VAT1L: variants seen among roughly 807,000 people sequenced by gnomAD.
VAT1L encodes the protein putative NADPH-dependent quinone oxidoreductase VAT1L.
A neutral mutation model predicts 44.1 loss-of-function variants in VAT1L; 34 were observed. The observed-to-expected ratio is 0.77, with a 90% CI of 0.59 to 1.03. VAT1L has a LOEUF of 1.03. Among genes scored for constraint, VAT1L ranks in the 50% least tolerant of loss-of-function variants. The pLI, the probability that VAT1L is intolerant of heterozygous loss-of-function variation, is 0.00. For synonymous variants in VAT1L, 253 were observed against 202.2 expected, an observed-to-expected ratio of 1.25 and a Z score of -2.13; for missense variants, 615 against 538.8, an observed-to-expected ratio of 1.14 and a Z score of -1.40.
At chr16:77,932,381 A>G (rs1461679877) in intron 7 of VAT1L, among the ~76,000 whole-genome samples, 1 of 152,120 alleles carries the variant, frequency 6.6e-6, no homozygotes, top group East Asian at 1.9e-4. Context: ...CTAGGATTAC[A>G]GGCTTGAGCC....
chr16:77,907,093 G>T (rs1280139605), intron 7 of VAT1L, among the ~76,000 whole-genome samples: 1 of 152,104 alleles, frequency 6.6e-6, no homozygotes, highest in Non-Finnish European at 1.5e-5. Flanking sequence ...AGCCCTAGCG[G>T]GGGAAAAAAA....
At chr16:77,888,975 T>C (rs1433159836) in intron 7 of VAT1L, among the ~76,000 whole-genome samples, 1 of 152,226 alleles carries the variant, frequency 6.6e-6, no homozygotes, top group Admixed American at 6.5e-5. Context: ...TTCTGCAATA[T>C]CTACAGACAT....
At chr16:77,789,371 A>G (rs933354597) in intron 1 of VAT1L, among the ~76,000 whole-genome samples, 6 of 152,216 alleles carry the variant, frequency 3.9e-5, no homozygotes, top group South Asian at 4.1e-4. Context: ...GTCAGGTGCC[A>G]TCATGATCCG....
chr16:77,816,118 G>A (rs984841145), intron 1 of VAT1L, among the ~76,000 whole-genome samples: 3 of 151,828 alleles, frequency 2.0e-5, no homozygotes, highest in Non-Finnish European at 2.9e-5. Context: ...GAGTCCAGGA[G>A]CATTGCTAAT....
At chr16:77,958,821 T>A (rs1437283528) in intron 7 of VAT1L, among the ~76,000 whole-genome samples, 1 of 152,150 alleles carries the variant, frequency 6.6e-6, no homozygotes, top group Admixed American at 6.5e-5. Flanking sequence ...TCTCTTCTTC[T>A]CCTTCGAAGA....
intron 2 of VAT1L, among the ~76,000 whole-genome samples, chr16:77,822,628 G>C (rs907392198): frequency 2.0e-5 from 3 of 152,150 alleles, no homozygotes; most frequent in African/African-American, 7.2e-5. Flanking sequence ...GTCCTGGGAG[G>C]ATTCAGAGAG....
At chr16:77,920,363 C>A (rs536954997) in intron 7 of VAT1L, among the ~76,000 whole-genome samples, 22 of 152,166 alleles carry the variant, frequency 1.4e-4, no homozygotes, top group African/African-American at 4.6e-4. Flanking sequence ...AGCCTGTATC[C>A]CAGCAATGCA....
At chr16:77,904,640 T>C (rs897695584) in intron 7 of VAT1L, among the ~76,000 whole-genome samples, 5 of 152,208 alleles carry the variant, frequency 3.3e-5, no homozygotes, top group Non-Finnish European at 7.3e-5. Flanking sequence ...GCATTGGGGT[T>C]CAGGGCTTAA....
At chr16:77,800,428 T>C (rs2016025534) in intron 1 of VAT1L, 1 of 152,184 alleles carries the variant, frequency 6.6e-6, no homozygotes, top group Non-Finnish European at 1.5e-5. Flanking sequence ...AACATGGATG[T>C]TAAAATCATA....
intron 7 of VAT1L, among the ~76,000 whole-genome samples, chr16:77,952,343 G>A (rs895606834): frequency 6.6e-6 from 1 of 152,082 alleles, no homozygotes; most frequent in Non-Finnish European, 1.5e-5. Flanking sequence ...TGGAGATGGG[G>A]CCTAGTGGGA....
At chr16:77,825,950 G>A (rs534847205) in intron 3 of VAT1L, among the ~76,000 whole-genome samples, 152 of 148,630 alleles carry the variant, frequency 1.0e-3, no homozygotes, top group African/African-American at 3.2e-3. Flanking sequence ...GTGAACCCGG[G>A]AGGCAGAGCT....
chr16:77,840,422 A>G (rs961277339), intron 3 of VAT1L, among the ~76,000 whole-genome samples: 5 of 152,218 alleles, frequency 3.3e-5, no homozygotes, highest in Non-Finnish European at 7.3e-5. Flanking sequence ...CTCTCTCTGT[A>G]GCATAAAGCT....
chr16:77,908,289 G>A (rs1034843223), intron 7 of VAT1L, among the ~76,000 whole-genome samples: 4 of 150,558 alleles, frequency 2.7e-5, no homozygotes, highest in East Asian at 3.9e-4. Flanking sequence ...GTGAAATTCC[G>A]TCTCTATGAG....
At chr16:77,813,117 T>A (rs2016293114) in intron 1 of VAT1L, among the ~76,000 whole-genome samples, 1 of 152,040 alleles carries the variant, frequency 6.6e-6, no homozygotes, top group African/African-American at 2.4e-5. Context: ...TACTGGAAAC[T>A]GTAATTGTGC....
intron 2 of VAT1L, among the ~76,000 whole-genome samples, chr16:77,820,057 G>A (rs1451646632): frequency 6.6e-6 from 1 of 152,182 alleles, no homozygotes; most frequent in Non-Finnish European, 1.5e-5. Context: ...ACACTTTGTA[G>A]GTTCCTCTGT....
At chr16:77,796,967 C>A (rs1354558798) in intron 1 of VAT1L, among the ~76,000 whole-genome samples, 1 of 152,084 alleles carries the variant, frequency 6.6e-6, no homozygotes, top group African/African-American at 2.4e-5. Context: ...ACTGGAGGCT[C>A]TAAAAGGTGT....
intron 5 of VAT1L, among the ~76,000 whole-genome samples, chr16:77,876,715 G>A (rs2017091113): frequency 6.6e-6 from 1 of 152,124 alleles, no homozygotes; most frequent in South Asian, 2.1e-4. Context: ...AAGCCAATGT[G>A]GTCATTGATA....
At chr16:77,920,975 C>G (rs544071022) in intron 7 of VAT1L, among the ~76,000 whole-genome samples, 1 of 150,386 alleles carries the variant, frequency 6.6e-6, no homozygotes, top group East Asian at 2.0e-4. Context: ...TATACACACA[C>G]ACACATACAT....
intron 7 of VAT1L, among the ~76,000 whole-genome samples, chr16:77,936,677 G>A (rs1597107886): frequency 2.0e-5 from 3 of 152,148 alleles, no homozygotes; most frequent in Admixed American, 2.0e-4. Context: ...TGAATCCCAG[G>A]TTCCACACAG....
Sources: allele counts gnomAD v4.1 joint callset (sites outside exome capture counted in the v4.1 genomes callset), GRCh38; gene constraint gnomAD v4.1.1; transcripts MANE v1.5; gene names NCBI Gene and HGNC (gene_info 2026-07-23, HGNC 2026-07-21).